Variants in KIF1B observed in about 807,000 individuals in gnomAD.
KIF1B encodes kinesin-like protein KIF1B.
A neutral mutation model predicts 241.9 loss-of-function variants in KIF1B; 76 were observed. That is an observed-to-expected ratio of 0.31 (90% CI 0.26 to 0.38). KIF1B has a LOEUF of 0.38. Among genes scored for constraint, KIF1B ranks in the 10% least tolerant of loss-of-function variants. The pLI is 1.00. For missense variants in KIF1B, 1,622 were observed against 2,271.4 expected, an observed-to-expected ratio of 0.71 and a Z score of 5.81; for synonymous variants, 750 against 796.7, an observed-to-expected ratio of 0.94 and a Z score of 0.99.
chr1:10,336,297 C>T (rs544639057), intron 28 of KIF1B, among the ~76,000 whole-genome samples: 37 of 152,176 alleles, frequency 2.4e-4, no homozygotes, highest in African/African-American at 5.8e-4. Flanking sequence ...TACAGGTGCC[C>T]GCCACCACGC....
Position 10,303,634 on chromosome 1 carries a change from G to A in KIF1B, c.2115+6388G>A, listed in dbSNP as rs375354457. ...CACTGGGAAAGGCAGCACTGATGTA[G>A]ATGACCTCAAGGTTCATATAGACAA... On this transcript the variant is annotated intron_variant, in intron 22 of 48. Coordinates refer to ENST00000676179, the MANE Select transcript of KIF1B (RefSeq NM_001365951.3). The surrounding 1 kb of genome is among the most constrained non-coding windows in gnomAD (Gnocchi z 5.2). 39 of 1,614,196 alleles carry A rather than the reference G, an allele frequency of 2.4e-5. No homozygotes were observed. The highest frequency in any genetic ancestry group is 3.3e-5 in the Non-Finnish European group (39 of 1,180,034).
At chr1:10,259,829 TC>T (rs1472289323) in intron 4 of KIF1B, among the ~76,000 whole-genome samples, 1 of 151,984 alleles carries the variant, frequency 6.6e-6, no homozygotes, top group Admixed American at 6.6e-5. Flanking sequence ...AGACAGGGTC[TC>T]ACCATGTTGT....
chr1:10,303,749 A>G lies in KIF1B; in HGVS notation c.2115+6503A>G. On this transcript the variant is annotated intron_variant, in intron 22 of 48. Coordinates refer to ENST00000676179, the MANE Select transcript of KIF1B (RefSeq NM_001365951.3). This position sits in a 1 kb window ranked among gnomAD's most constrained non-coding sequence, Gnocchi z 5.2. ...TTAAGAAATAAAATGCTCAAAATGG[A>G]AAAAGTCTTGCCACTGATCGGATCT... 1 of 1,614,180 alleles carries G rather than the reference A, an allele frequency of 6.2e-7. No individual in the cohort carries two copies. The highest frequency in any genetic ancestry group is 8.5e-7 in the Non-Finnish European group (1 of 1,180,028).
chr1:10,233,260 T>C (rs1309121602), intron 2 of KIF1B, among the ~76,000 whole-genome samples: 1 of 152,218 alleles, frequency 6.6e-6, no homozygotes, highest in Non-Finnish European at 1.5e-5. Flanking sequence ...CTTTGAATGC[T>C]CCACTGCTTA....
intron 28 of KIF1B, among the ~76,000 whole-genome samples, chr1:10,335,732 C>T (rs1431759292): frequency 6.6e-6 from 1 of 150,956 alleles, no homozygotes; most frequent in Non-Finnish European, 1.5e-5. Context: ...TGTGGTGGCT[C>T]GTGCCTGTAG....
At chr1:10,297,099 C>T in intron 21 of KIF1B, 22 bp downstream of exon 21, 1 of 1,612,942 alleles carries the variant, frequency 6.2e-7, no homozygotes, top group Non-Finnish European at 8.5e-7. Flanking sequence ...TTACGCAGCC[C>T]ATATGACTGT....
At chr1:10,345,694 G>A (rs1475573023) in intron 34 of KIF1B, 151 bp from the exon 35 acceptor site, 5 of 669,600 alleles carry the variant, frequency 7.5e-6, no homozygotes, top group African/African-American at 1.8e-5. Flanking sequence ...AGTTTATATT[G>A]GTGTTTCTCT....
chr1:10,235,250 A>ATTATT (rs1395237907), intron 2 of KIF1B, among the ~76,000 whole-genome samples: 2 of 151,830 alleles, frequency 1.3e-5, no homozygotes, highest in Non-Finnish European at 2.9e-5. Context: ...ACAAAGGATT[A>ATTATT]TTATTTTATT....
At chr1:10,285,481 T>C (rs1391365290) in intron 15 of KIF1B, among the ~76,000 whole-genome samples, 1 of 152,218 alleles carries the variant, frequency 6.6e-6, no homozygotes, top group African/African-American at 2.4e-5. Context: ...CCGACTTCCC[T>C]ATGTCCCACT....
chr1:10,341,845 T>A (rs1452711515), intron 32 of KIF1B, among the ~76,000 whole-genome samples: 1 of 151,808 alleles, frequency 6.6e-6, no homozygotes, highest in African/African-American at 2.4e-5. Flanking sequence ...GTGGTGCATG[T>A]CTGTAGTCCT....
rs956831359 is a variant in KIF1B, at chr1:10,334,547, G to A, written c.2952G>A (p.Leu984=). 1 of 1,613,860 alleles carries A rather than the reference G, an allele frequency of 6.2e-7. No individual in the cohort carries two copies. The highest frequency in any genetic ancestry group is 1.3e-5 in the African/African-American group (1 of 74,938). The stretch of plus-strand genomic sequence containing the variant: ...CATTTGTTTACCTGAGCAATCTGCT[G>A]TATCCCGTGCCCCTGATCCACAGGG... ...GRAFVYLSNL[L]YPVPLIHRVA... is the part of the protein sequence containing the mutation. Residue 984 remains leucine, a synonymous_variant, in exon 28 of 49, where the codon CTG becomes CTA. Coordinates refer to ENST00000676179, the MANE Select transcript of KIF1B (RefSeq NM_001365951.3).
intron 5 of KIF1B, among the ~76,000 whole-genome samples, chr1:10,265,205 TTTA>T (rs1648385523): frequency 1.1e-3 from 35 of 30,592 alleles, no homozygotes; most frequent in African/African-American, 4.4e-3. Context: ...ATGGATTTTA[TTTA>T]TTTATTTATT....
In KIF1B at chr1:10,345,830, A is replaced by C. The variant is rs773937489; in HGVS notation, c.3689-15A>C. The C allele has an allele frequency of 6.2e-7, 1 of 1,606,848 alleles. No homozygotes were observed. Among genetic ancestry groups the C allele is most frequent in the East Asian group, 2.2e-5 (1 of 44,842 alleles). On this transcript the variant is annotated splice_polypyrimidine_tract_variant and intron_variant, in intron 34 of 48. Coordinates refer to ENST00000676179, the MANE Select transcript of KIF1B (RefSeq NM_001365951.3). Reference sequence around the variant, plus strand: ...CTTGGACCAGATTTTGACATACTCTAAAAACTTTTAAAAGTTCCAGCCACC... The same window carrying C: ...CTTGGACCAGATTTTGACATACTCTCAAAACTTTTAAAAGTTCCAGCCACC...
intron 1 of KIF1B, among the ~76,000 whole-genome samples, chr1:10,221,309 G>T (rs749299737): frequency 3.3e-5 from 5 of 151,974 alleles, no homozygotes; most frequent in Admixed American, 6.6e-5. Flanking sequence ...TGTTGGCCAG[G>T]CTGGTCTCGA....
chr1:10,296,494 T>C, intron 19 of KIF1B, 88 bp from the exon 20 acceptor site: 3 of 1,078,520 alleles, frequency 2.8e-6, no homozygotes, highest in Non-Finnish European at 4.2e-6. Context: ...TTATTCTACT[T>C]ACTGCAAATC....
Position 10,379,791 on chromosome 1 carries a change from C to T in KIF1B, c.*3204C>T, listed in dbSNP as rs550986128. 2.4e-4 allele frequency: 55 copies of T among 230,614 alleles called. No individual in the cohort carries two copies. Among genetic ancestry groups the T allele is most frequent in the Admixed American group, 1.1e-3 (20 of 17,724 alleles). 14.3% of individuals were successfully genotyped at this position (230,614 alleles called of 1,614,324 possible). On this transcript the variant is annotated 3_prime_UTR_variant, in exon 49 of 49. Coordinates refer to ENST00000676179, the MANE Select transcript of KIF1B (RefSeq NM_001365951.3). ...CCAGCCCCAAATCAGTGCTCAGACCCTCTCTGTGTCTGTGTGCCCTCCTGG... is the reference window on the plus strand; with the variant it reads ...CCAGCCCCAAATCAGTGCTCAGACCTTCTCTGTGTCTGTGTGCCCTCCTGG...
intron 40 of KIF1B, 111 bp downstream of exon 40, chr1:10,361,936 C>A: frequency 1.5e-6 from 2 of 1,322,742 alleles, no homozygotes; most frequent in Non-Finnish European, 2.2e-6. Flanking sequence ...AGTTTATGAA[C>A]CATTTTGGTA....
intron 22 of KIF1B, among the ~76,000 whole-genome samples, chr1:10,309,729 C>T (rs1650987747): frequency 6.6e-6 from 1 of 151,496 alleles, no homozygotes; most frequent in African/African-American, 2.5e-5. Context: ...CACATAGCAA[C>T]CAAGATCATC....
intron 48 of KIF1B, 38 bp from the exon 49 acceptor site, chr1:10,376,507 C>T (rs779668629): frequency 1.2e-6 from 2 of 1,607,898 alleles, no homozygotes; most frequent in Non-Finnish European, 1.7e-6. Flanking sequence ...GACTTGTACC[C>T]AGACTTCTAA....
Sources: allele counts gnomAD v4.1 joint callset (sites outside exome capture counted in the v4.1 genomes callset), GRCh38; gene constraint gnomAD v4.1.1; non-coding constraint Gnocchi (gnomAD v3.1); transcripts MANE v1.5; gene names NCBI Gene and HGNC (gene_info 2026-07-23, HGNC 2026-07-21).